IL1RAPL1: variants seen among roughly 807,000 people sequenced by gnomAD.
The protein encoded by IL1RAPL1 is interleukin 1 receptor accessory protein like 1.
IL1RAPL1 carries 3 observed loss-of-function variants against 48.4 expected under a neutral mutation model. The ratio of observed to expected loss-of-function variants is 0.06; its 90% CI spans 0.03 to 0.16. The LOEUF (loss-of-function observed/expected upper bound fraction) is 0.16, where lower values mean the gene tolerates loss of function less well. Ranked by LOEUF, IL1RAPL1 falls within the 10% of genes least tolerant of loss-of-function variation. The pLI, the probability that IL1RAPL1 is intolerant of heterozygous loss-of-function variation, is 1.00. For synonymous variants in IL1RAPL1, 185 were observed against 187.7 expected (o/e 0.99, Z 0.12); for missense variants, 349 against 530.6 (o/e 0.66, Z 3.36).
intron 9 of IL1RAPL1, among the ~76,000 whole-genome samples, chrX:29,945,745 T>C (rs1040450866): frequency 2.7e-5 from 3 of 112,084 alleles, no homozygotes; most frequent in African/African-American, 9.7e-5. Context: ...CTCAGTTCCT[T>C]TGGAGTCATT....
At chrX:29,464,756 AG>A (rs1430636965) in intron 5 of IL1RAPL1, among the ~76,000 whole-genome samples, 2 of 112,398 alleles carry the variant, frequency 1.8e-5, no homozygotes, top group Non-Finnish European at 1.9e-5. Context: ...GCCATAAAAA[AG>A]AATGAGATAT....
chrX:29,140,797 AG>A (rs1437830233), intron 2 of IL1RAPL1, among the ~76,000 whole-genome samples: 1 of 111,161 alleles, frequency 9.0e-6, no homozygotes, highest in Non-Finnish European at 1.9e-5. Flanking sequence ...ACATGGTGGA[AG>A]GGCTTCATCA....
intron 1 of IL1RAPL1, among the ~76,000 whole-genome samples, chrX:28,696,349 T>A (rs1935231332): frequency 9.0e-6 from 1 of 111,444 alleles, no homozygotes; most frequent in South Asian, 3.7e-4. Flanking sequence ...AAAAATTTAA[T>A]TATCAATATT....
chrX:28,676,407 T>G (rs1307446180), intron 1 of IL1RAPL1, among the ~76,000 whole-genome samples: 1 of 111,651 alleles, frequency 9.0e-6, no homozygotes, highest in East Asian at 2.8e-4. Context: ...CACTATGCAA[T>G]ATTTTTTTAT....
intron 2 of IL1RAPL1, among the ~76,000 whole-genome samples, chrX:29,001,135 A>G (rs1022704949): frequency 8.9e-6 from 1 of 111,894 alleles, no homozygotes; most frequent in African/African-American, 3.2e-5. Flanking sequence ...CACATGACAT[A>G]CTATACATTG....
At chrX:28,936,725 G>A (rs1319860989) in intron 2 of IL1RAPL1, among the ~76,000 whole-genome samples, 1 of 110,657 alleles carries the variant, frequency 9.0e-6, no homozygotes, top group African/African-American at 3.3e-5. Flanking sequence ...ACTTCCATGA[G>A]CTTCAGGTTC....
At chrX:28,808,666 A>T (rs1399747534) in intron 2 of IL1RAPL1, among the ~76,000 whole-genome samples, 2 of 111,406 alleles carry the variant, frequency 1.8e-5, no homozygotes, top group African/African-American at 6.5e-5. Context: ...ATATGCTTTA[A>T]TATAAATAAG....
intron 2 of IL1RAPL1, among the ~76,000 whole-genome samples, chrX:29,255,781 A>T (rs985441348): frequency 5.4e-5 from 6 of 111,199 alleles, no homozygotes; most frequent in African/African-American, 1.3e-4. Flanking sequence ...GCTGCAAAGG[A>T]CATGATTTTG....
intron 5 of IL1RAPL1, among the ~76,000 whole-genome samples, chrX:29,501,609 A>G (rs1240754280): frequency 9.0e-6 from 1 of 111,482 alleles, no homozygotes; most frequent in East Asian, 2.8e-4. Context: ...CGTTTGTCAA[A>G]AATGAGTTGT....
chrX:29,635,309 T>G (rs956452155), intron 5 of IL1RAPL1, among the ~76,000 whole-genome samples: 6 of 111,867 alleles, frequency 5.4e-5, no homozygotes, highest in African/African-American at 1.9e-4. Context: ...GGGTAAAGAT[T>G]CTAAAAACTT....
chrX:29,244,029 A>G (rs370227233), intron 2 of IL1RAPL1, among the ~76,000 whole-genome samples: 3 of 111,192 alleles, frequency 2.7e-5, no homozygotes, highest in African/African-American at 9.8e-5. Context: ...TGTCCCTGTT[A>G]TCTATTTGTT....
chrX:29,100,395 T>A (rs1928310168), intron 2 of IL1RAPL1, among the ~76,000 whole-genome samples: 1 of 111,018 alleles, frequency 9.0e-6, no homozygotes, highest in South Asian at 3.8e-4. Flanking sequence ...ACTTGATGAG[T>A]TACAGTCTGG....
intron 1 of IL1RAPL1, among the ~76,000 whole-genome samples, chrX:28,680,926 G>A (rs1251463351): frequency 9.0e-6 from 1 of 111,376 alleles, no homozygotes; most frequent in Non-Finnish European, 1.9e-5. Flanking sequence ...CTTTGATATT[G>A]GAGTGATATT....
At chrX:28,783,266 A>C (rs1462732502) in intron 1 of IL1RAPL1, among the ~76,000 whole-genome samples, 1 of 112,311 alleles carries the variant, frequency 8.9e-6, no homozygotes, top group African/African-American at 3.2e-5. Flanking sequence ...AATAAGGCAC[A>C]GATGCATTTT....
At chrX:28,633,776 T>A (rs1378290525) in intron 1 of IL1RAPL1, among the ~76,000 whole-genome samples, 1 of 112,255 alleles carries the variant, frequency 8.9e-6, no homozygotes, top group African/African-American at 3.2e-5. Context: ...TGAACATTTA[T>A]TTTTTACCAT....
At chrX:29,067,628 C>G (rs1373772531) in intron 2 of IL1RAPL1, among the ~76,000 whole-genome samples, 1 of 111,838 alleles carries the variant, frequency 8.9e-6, no homozygotes, top group African/African-American at 3.2e-5. Flanking sequence ...TTTCACAGAG[C>G]ATTGCATAAT....
intron 6 of IL1RAPL1, among the ~76,000 whole-genome samples, chrX:29,914,524 TTG>T (rs1444360320): frequency 9.0e-6 from 1 of 111,578 alleles, no homozygotes; most frequent in Non-Finnish European, 1.9e-5. Flanking sequence ...AAACTTAAAC[TTG>T]GTCTTATAAA....
chrX:29,194,731 A>G (rs961969997), intron 2 of IL1RAPL1, among the ~76,000 whole-genome samples: 1 of 112,161 alleles, frequency 8.9e-6, no homozygotes, highest in African/African-American at 3.2e-5. Context: ...AGAGCCCACA[A>G]ATGTAGTATT....
intron 2 of IL1RAPL1, among the ~76,000 whole-genome samples, chrX:29,275,745 T>C (rs1343727807): frequency 8.9e-6 from 1 of 112,080 alleles, no homozygotes; most frequent in Non-Finnish European, 1.9e-5. Context: ...TTCCCACTTA[T>C]AGATGATATC....
Sources: gnomAD v4.1 joint callset for allele counts (sites outside exome capture counted in the v4.1 genomes callset) on GRCh38, gnomAD v4.1.1 for gene constraint, MANE v1.5 for transcripts, NCBI Gene and HGNC (gene_info 2026-07-23, HGNC 2026-07-21) for gene names.